The following CSMD3 variants were observed in gnomAD, a reference collection of about 807,000 sequenced individuals.
CSMD3 encodes the protein CUB and sushi domain-containing protein 3.
A neutral mutation model predicts 435.2 loss-of-function variants in CSMD3; 177 were observed. The ratio of observed to expected loss-of-function variants is 0.41; its 90% confidence interval spans 0.36 to 0.46. The LOEUF (loss-of-function observed/expected upper bound fraction) is 0.46. Ranked by LOEUF, CSMD3 falls within the 20% of genes least tolerant of loss-of-function variation. CSMD3 has a pLI of 0.34. For synonymous variants in CSMD3, 1,656 were observed against 1,520.5 expected, an observed-to-expected ratio of 1.09 and a Z score of -2.07; for missense variants, 4,265 against 4,504.6, an observed-to-expected ratio of 0.95 and a Z score of 1.52.
At chr8:112,467,636 T>C (rs1818093296) in intron 32 of CSMD3, among the ~76,000 whole-genome samples, 1 of 152,052 alleles carries the variant, frequency 6.6e-6, no homozygotes, top group Non-Finnish European at 1.5e-5. Context: ...TTTGCAGATG[T>C]GATTAGTTAA....
chr8:112,638,947 A>G (rs1391405020), intron 20 of CSMD3, 36 bp from the exon 21 acceptor site: 1 of 1,392,200 alleles, frequency 7.2e-7, no homozygotes, highest in Non-Finnish European at 1.0e-6. Flanking sequence ...ATTTACAGGT[A>G]GATCAGTAAA....
chr8:112,336,544 C>T, intron 44 of CSMD3, 108 bp downstream of exon 44: 2 of 890,462 alleles, frequency 2.2e-6, no homozygotes, highest in South Asian at 2.8e-5. Context: ...CACATCAATT[C>T]AAATATCAGA....
intron 3 of CSMD3, among the ~76,000 whole-genome samples, chr8:113,219,755 T>A (rs1303284943): frequency 6.6e-6 from 1 of 151,448 alleles, no homozygotes; most frequent in Admixed American, 6.6e-5. Flanking sequence ...TATCAAAATA[T>A]GCCTAAAAAT....
intron 6 of CSMD3, among the ~76,000 whole-genome samples, chr8:112,989,557 A>C (rs574806513): frequency 6.6e-6 from 1 of 151,956 alleles, no homozygotes; most frequent in African/African-American, 2.4e-5. Flanking sequence ...AATTAACAAA[A>C]ATAACAGAAT....
chr8:112,588,239 C>T (rs1369427050), intron 22 of CSMD3, among the ~76,000 whole-genome samples: 2 of 150,734 alleles, frequency 1.3e-5, no homozygotes, highest in African/African-American at 2.4e-5. Context: ...TTTATGGGAA[C>T]AGTCAGAGAA....
chr8:112,738,304 C>T (rs7001722), intron 13 of CSMD3, among the ~76,000 whole-genome samples: 67,808 of 151,338 alleles, frequency 0.45, 16,278 homozygotes, highest in Non-Finnish European at 0.53. Flanking sequence ...ATGTCAAAGA[C>T]GCAGCTGTTT....
chr8:113,363,291 T>TGC (rs1563747105), intron 1 of CSMD3, among the ~76,000 whole-genome samples: 2 of 152,030 alleles, frequency 1.3e-5, no homozygotes, highest in African/African-American at 2.4e-5. Context: ...TACACGCGTG[T>TGC]TTGTATATTT....
intron 2 of CSMD3, among the ~76,000 whole-genome samples, chr8:113,290,610 T>A (rs1282509076): frequency 6.6e-6 from 1 of 151,688 alleles, no homozygotes; most frequent in Non-Finnish European, 1.5e-5. Flanking sequence ...AAAATATTAT[T>A]TCTAATCATT....
chr8:113,074,821 T>C (rs2089273714), intron 5 of CSMD3, among the ~76,000 whole-genome samples: 1 of 151,850 alleles, frequency 6.6e-6, no homozygotes, highest in Admixed American at 6.6e-5. Flanking sequence ...TTCAAGGGCA[T>C]AAACTGTTTT....
rs148215770 is a variant in CSMD3 at position 112,981,459 on chromosome 8, A to G, written c.1031-5311T>C. On this transcript the variant is annotated intron_variant, in intron 6 of 70. Coordinates refer to ENST00000297405, the MANE Select transcript of CSMD3 (RefSeq NM_198123.2). ...ATTGATATGTTTATTTTTATGTTAT[A>G]TATTTTGTTAAAGTTTATAAGCGTT... Among the ~76,000 whole-genome samples the G allele has an allele frequency of 6.6e-3, 999 of 151,690 alleles. 12 individuals are homozygous for G. The highest frequency in any genetic ancestry group is 0.023 in the African/African-American group (960 of 41,524).
Position 112,587,049 on chromosome 8 carries a change from T to C in CSMD3, c.3885+17A>G, listed in dbSNP as rs1483323293. 2 of 1,582,844 alleles carry C rather than the reference T, an allele frequency of 1.3e-6. No homozygotes were observed. Among genetic ancestry groups the C allele is most frequent in the Non-Finnish European group, 1.7e-6 (2 of 1,153,006 alleles). On this transcript the variant is annotated intron_variant, in intron 23 of 70. Transcript: ENST00000297405. ...ACTAAAAATGAACAATATACAAGTA[T>C]GTCTGAGTTCACCTACCTTAAGAAC...
chr8:112,416,675 A>G (rs1811945644), intron 32 of CSMD3, among the ~76,000 whole-genome samples: 1 of 152,198 alleles, frequency 6.6e-6, no homozygotes, highest in East Asian at 1.9e-4. Flanking sequence ...ACCATAATTC[A>G]ATGATCAGGA....
intron 5 of CSMD3, among the ~76,000 whole-genome samples, chr8:113,027,782 C>G (rs2086930066): frequency 6.6e-6 from 1 of 152,082 alleles, no homozygotes; most frequent in Admixed American, 6.6e-5. Context: ...CTTCTGATTT[C>G]CCACTTATCA....
chr8:112,986,770 G>GT (rs2085269730), intron 6 of CSMD3, among the ~76,000 whole-genome samples: 1 of 151,948 alleles, frequency 6.6e-6, no homozygotes, highest in Non-Finnish European at 1.5e-5. Flanking sequence ...TACAGACACC[G>GT]TAAGTGGCAA....
intron 1 of CSMD3, among the ~76,000 whole-genome samples, chr8:113,385,479 T>A (rs1229790112): frequency 6.6e-6 from 1 of 152,092 alleles, no homozygotes; most frequent in Non-Finnish European, 1.5e-5. Context: ...GCACCTTGAA[T>A]GGTGTGCCAG....
chr8:112,330,777 C>A (rs1563798760), intron 45 of CSMD3, among the ~76,000 whole-genome samples: 1 of 151,992 alleles, frequency 6.6e-6, no homozygotes, highest in Non-Finnish European at 1.5e-5. Context: ...TTTTAAAGAA[C>A]AATTAGGTTT....
intron 59 of CSMD3, among the ~76,000 whole-genome samples, chr8:112,278,996 G>A (rs1179031203): frequency 6.7e-6 from 1 of 149,350 alleles, no homozygotes; most frequent in Non-Finnish European, 1.5e-5. Flanking sequence ...AGCGTATCCT[G>A]TAACTCCACC....
chr8:112,491,115 G>T (rs1389139512), intron 31 of CSMD3, among the ~76,000 whole-genome samples: 1 of 152,082 alleles, frequency 6.6e-6, no homozygotes, highest in Non-Finnish European at 1.5e-5. Flanking sequence ...CCAGAGAAGG[G>T]TAAGTCAGAA....
intron 6 of CSMD3, among the ~76,000 whole-genome samples, chr8:113,000,583 C>T (rs1378944397): frequency 2.0e-5 from 3 of 152,120 alleles, no homozygotes; most frequent in East Asian, 3.9e-4. Flanking sequence ...ACAGTAAATA[C>T]ATACAATTGT....
Sources: allele counts gnomAD v4.1 joint callset (sites outside exome capture counted in the v4.1 genomes callset), GRCh38; gene constraint gnomAD v4.1.1; transcripts MANE v1.5; gene names NCBI Gene and HGNC (gene_info 2026-07-23, HGNC 2026-07-21).